The following VAV2 variants were observed in gnomAD, a reference collection of about 807,000 sequenced individuals.
The protein encoded by VAV2 is guanine nucleotide exchange factor VAV2.
A neutral mutation model predicts 132.5 loss-of-function variants in VAV2; 67 were observed. That is an observed-to-expected ratio of 0.51 (90% CI 0.42 to 0.62). VAV2 has a LOEUF of 0.62. Among genes scored for constraint, VAV2 ranks in the 20% least tolerant of loss-of-function variants. The pLI is 0.00. For missense variants in VAV2, 938 were observed against 1,153.6 expected, an observed-to-expected ratio of 0.81 and a Z score of 2.71; for synonymous variants, 492 against 443.5, an observed-to-expected ratio of 1.11 and a Z score of -1.37.
chr9:133,856,263 C>T (rs183763459), intron 3 of VAV2, among the ~76,000 whole-genome samples: 19 of 152,298 alleles, frequency 1.2e-4, no homozygotes, highest in Admixed American at 2.6e-4. Flanking sequence ...GCGTACTTTA[C>T]AAGGGTTACA....
At chr9:133,799,903 G>A (rs1834866462) in intron 9 of VAV2, among the ~76,000 whole-genome samples, 1 of 152,058 alleles carries the variant, frequency 6.6e-6, no homozygotes, top group Admixed American at 6.5e-5. Context: ...GACTCCCGGC[G>A]GCCGCCTGCA....
intron 1 of VAV2, among the ~76,000 whole-genome samples, chr9:133,983,408 A>G (rs1842758161): frequency 6.6e-6 from 1 of 152,314 alleles, no homozygotes; most frequent in Admixed American, 6.5e-5. Context: ...AGGGCTCAAC[A>G]GAGGCACAGG....
At position 133,762,619 on chromosome 9, in the gene VAV2, T is replaced by A. The variant is rs1475745742; in HGVS notation, c.*1443A>T. 1 of 152,198 alleles carries A rather than the reference T, an allele frequency of 6.6e-6. No individual in the cohort carries two copies. The highest frequency in any genetic ancestry group is 2.4e-5 in the African/African-American group (1 of 41,116). The allele number at this position is 152,198 out of a possible 1,614,324, so 9.4% of individuals were successfully genotyped here. A position where few individuals can be genotyped will look rare whatever the true frequency, so the allele number is the denominator to read the frequency against. On this transcript the variant is annotated 3_prime_UTR_variant, in exon 30 of 30. Transcript: ENST00000371850. The surrounding 1 kb of genome is among the most constrained non-coding windows in gnomAD (Gnocchi z 5.0). ...TCCCCTGCCCTGCCTCCACCTCCCC[T>A]CATTTCCCAAGCCTTTGTCGAGGGC... is the stretch of plus-strand genomic sequence containing the variant.
At chr9:133,792,823 A>T (rs1564352541) in intron 12 of VAV2, among the ~76,000 whole-genome samples, 1 of 151,656 alleles carries the variant, frequency 6.6e-6, no homozygotes, top group Non-Finnish European at 1.5e-5. Flanking sequence ...GAGGCAGGAA[A>T]GGGAACACAC....
At position 133,919,712 on chromosome 9, in the gene VAV2, T is replaced by C. The variant is rs10117330; in HGVS notation, c.321+19391A>G. On this transcript the variant is annotated intron_variant, in intron 2 of 29. Transcript: ENST00000371850. The surrounding 1 kb of genome is among the most constrained non-coding windows in gnomAD (Gnocchi z 5.8). ...TGTAAGCCGGAAACAGCGCAGAGAG[T>C]GGGGCCAGATGGACGTGGCCAGTCT... is the stretch of plus-strand genomic sequence containing the variant. 0.017 allele frequency among the ~76,000 whole-genome samples: 2,596 copies of C among 151,862 alleles called. 63 individuals are homozygous for C. Among genetic ancestry groups the C allele is most frequent in the South Asian group, 0.057 (273 of 4,806 alleles).
intron 1 of VAV2, among the ~76,000 whole-genome samples, chr9:133,985,116 A>C (rs1204023478): frequency 6.6e-6 from 1 of 152,114 alleles, no homozygotes; most frequent in Non-Finnish European, 1.5e-5. Context: ...CACATACATA[A>C]ATAAATACAT....
At chr9:133,957,154 GA>G in intron 1 of VAV2, among the ~76,000 whole-genome samples, 1 of 152,284 alleles carries the variant, frequency 6.6e-6, no homozygotes, top group South Asian at 2.1e-4. Flanking sequence ...ACCAGGTGGG[GA>G]AACTGAGGCT....
chr9:133,804,633 T>C lies in VAV2; in HGVS notation c.836+1448A>G, dbSNP rs1454130399. Among the ~76,000 whole-genome samples, 3 of 152,064 alleles carry C rather than the reference T, an allele frequency of 2.0e-5. No homozygotes were observed. The highest frequency in any genetic ancestry group is 4.4e-5 in the Non-Finnish European group (3 of 67,988). ...AAACCACGCCTCATCCGTGGCTCCC[T>C]CCCTTCCTGGCCGAGGGACAGCATG... On this transcript the variant is annotated intron_variant, in intron 9 of 29. Transcript: ENST00000371850. This position sits in a 1 kb window ranked among gnomAD's most constrained non-coding sequence, Gnocchi z 4.5.
intron 2 of VAV2, among the ~76,000 whole-genome samples, chr9:133,888,840 G>A (rs1838814862): frequency 6.6e-6 from 1 of 152,184 alleles, no homozygotes; most frequent in Non-Finnish European, 1.5e-5. Flanking sequence ...GATTAATTGT[G>A]TGCACACACA....
In VAV2 at chr9:133,823,849, C is replaced by T. The variant is rs565712307; in HGVS notation, c.449+10423G>A. Among the ~76,000 whole-genome samples, 116 of 152,342 alleles carry T rather than the reference C, an allele frequency of 7.6e-4. 1 individual carries two copies. The South Asian group carries it at 0.023, about 31-fold the overall frequency. On this transcript the variant is annotated intron_variant, in intron 4 of 29. Transcript: ENST00000371850. The surrounding 1 kb of genome is among the most constrained non-coding windows in gnomAD (Gnocchi z 5.5). ...TAAAAATGAAAACCCCTGGAAGTCC[C>T]AGGCCATACCTGCTCACACACACAC...
intron 4 of VAV2, among the ~76,000 whole-genome samples, chr9:133,827,292 AC>A (rs1836044280): frequency 5.7e-5 from 1 of 17,484 alleles, no homozygotes; most frequent in Non-Finnish European, 8.0e-5. Context: ...GAGGCTGACC[AC>A]TGAGTGGGGG....
chr9:133,803,679 C>T (rs1835025460), intron 9 of VAV2, among the ~76,000 whole-genome samples: 1 of 152,228 alleles, frequency 6.6e-6, no homozygotes, highest in South Asian at 2.1e-4. Context: ...TCTCCTGCCA[C>T]TCAGTGCCGA....
chr9:133,971,366 C>T (rs940502697), intron 1 of VAV2, among the ~76,000 whole-genome samples: 6 of 152,316 alleles, frequency 3.9e-5, no homozygotes, highest in Non-Finnish European at 4.4e-5. Context: ...GGTGACTCCA[C>T]TGTGCCCCAG....
intron 11 of VAV2, 81 bp downstream of exon 11, chr9:133,796,348 C>G: frequency 8.0e-7 from 1 of 1,255,632 alleles, no homozygotes; most frequent in Non-Finnish European, 1.1e-6. Context: ...TGGGCTGCAA[C>G]CTATACCCCC....
chr9:133,814,627 A>C (rs1588213110), intron 4 of VAV2, among the ~76,000 whole-genome samples: 1 of 152,372 alleles, frequency 6.6e-6, no homozygotes, highest in South Asian at 2.1e-4. Flanking sequence ...AACGGCTGCA[A>C]GCCGGACCTG....
At position 133,806,103 on chromosome 9, in the gene VAV2, C is replaced by A; in HGVS notation, c.814G>T (p.Val272Phe). The A allele has an allele frequency of 6.2e-7, 1 of 1,613,028 alleles. No homozygotes were observed. The highest frequency in any genetic ancestry group is 1.1e-5 in the South Asian group (1 of 91,050). ...CACCTTTCCTTGAAATCGAGGAAGA[C>A]CTTGGCCAGCGTGCTGCCCCCCACC... ...VMVGGSTLAKVFLDFKERLLI... is the reference protein window; with the variant it reads ...VMVGGSTLAKFFLDFKERLLI... The change falls in exon 9 of 30, where the codon GTC (valine) becomes TTC (phenylalanine). Residue 272 changes from valine (V) to phenylalanine (F), a missense_variant. By Grantham distance (50) the Val-to-Phe change is conservative. Coordinates refer to ENST00000371850, the MANE Select transcript of VAV2 (RefSeq NM_001134398.2).
intron 2 of VAV2, among the ~76,000 whole-genome samples, chr9:133,916,901 C>T (rs1482233324): frequency 6.6e-6 from 1 of 152,152 alleles, no homozygotes; most frequent in African/African-American, 2.4e-5. Context: ...TGGCCACTCA[C>T]CCAACCCCCT....
intron 14 of VAV2, 51 bp downstream of exon 14, chr9:133,789,207 A>C: frequency 6.2e-7 from 1 of 1,602,090 alleles, no homozygotes; most frequent in Non-Finnish European, 8.5e-7. Context: ...TGGGAGGGAG[A>C]GCCAGACCCT....
chr9:133,929,031 G>T (rs1220481196), intron 2 of VAV2, among the ~76,000 whole-genome samples: 2 of 152,210 alleles, frequency 1.3e-5, no homozygotes, highest in African/African-American at 4.8e-5. Context: ...GCACCATCTG[G>T]AATCTCCCGC....
Sources: allele counts gnomAD v4.1 joint callset (sites outside exome capture counted in the v4.1 genomes callset), GRCh38; gene constraint gnomAD v4.1.1; non-coding constraint Gnocchi (gnomAD v3.1); transcripts MANE v1.5; gene names NCBI Gene and HGNC (gene_info 2026-07-23, HGNC 2026-07-21).